MTSS1: variants seen among roughly 807,000 people sequenced by gnomAD.
The protein encoded by MTSS1 is MTSS I-BAR domain containing 1, also known as protein MTSS 1.
MTSS1 carries 18 observed loss-of-function variants against 79.0 expected under a neutral mutation model. The ratio of observed to expected loss-of-function variants is 0.23; its 90% CI spans 0.16 to 0.34. MTSS1 has a LOEUF of 0.34. Ranked by LOEUF, MTSS1 falls within the 10% of genes least tolerant of loss-of-function variation. MTSS1 has a pLI of 1.00. For missense variants in MTSS1, 815 were observed against 986.2 expected, an observed-to-expected ratio of 0.83 and a Z score of 2.33; for synonymous variants, 341 against 368.6, an observed-to-expected ratio of 0.93 and a Z score of 0.86.
At position 124,553,261 on chromosome 8, in the gene MTSS1, C is replaced by A. The variant is rs532688949; in HGVS notation, c.1999G>T (p.Gly667Cys). The A allele has an allele frequency of 1.9e-6, 3 of 1,614,154 alleles. No homozygotes were observed. The highest frequency in any genetic ancestry group is 8.5e-7 in the Non-Finnish European group (1 of 1,180,042). Residue 667 changes from glycine (G) to cysteine (C), a missense_variant, in exon 14 of 14, where the codon GGC becomes TGC. Physicochemically the swap from Gly to Cys is radical, Grantham distance 159. Around this residue, in one of 2 missense-constraint regions of MTSS1, gnomAD observed 590 missense variants for 620.8 expected, o/e 0.95. Coordinates refer to ENST00000518547, the MANE Select transcript of MTSS1 (RefSeq NM_014751.6). The surrounding 1 kb of genome is among the most constrained non-coding windows in gnomAD (Gnocchi z 6.0). ...AGTGGAGGGTTAACGGAAGCTTGGCCGCTCCACATTGAGGAGGGCATGCTG... is the reference window on the plus strand; with the variant it reads ...AGTGGAGGGTTAACGGAAGCTTGGCAGCTCCACATTGAGGAGGGCATGCTG... The part of the protein sequence containing the change: ...VTSMPSSMWS[G>C]QASVNPPLPG...
intron 1 of MTSS1, among the ~76,000 whole-genome samples, chr8:124,717,238 T>C (rs543554723): frequency 6.6e-6 from 1 of 151,980 alleles, no homozygotes; most frequent in African/African-American, 2.4e-5. Context: ...ATGCCTGTAA[T>C]CCCAGCACTT....
intron 13 of MTSS1, among the ~76,000 whole-genome samples, chr8:124,555,257 T>A (rs375488832): frequency 2.2e-4 from 33 of 152,260 alleles, no homozygotes; most frequent in East Asian, 5.8e-4. Flanking sequence ...TATTATTATT[T>A]TTTTTTGAGA....
At chr8:124,591,258 G>T (rs1470256156) in intron 3 of MTSS1, 23 bp from the exon 4 acceptor site, 1 of 1,600,900 alleles carries the variant, frequency 6.2e-7, no homozygotes, top group Admixed American at 1.7e-5. Flanking sequence ...CAGAGGCAAA[G>T]GTGAGGGATA....
chr8:124,719,647 C>A (rs1301457017), intron 1 of MTSS1, among the ~76,000 whole-genome samples: 2 of 152,218 alleles, frequency 1.3e-5, no homozygotes, highest in Non-Finnish European at 2.9e-5. Flanking sequence ...ACTGTGTCCT[C>A]TCAAATTACT....
intron 3 of MTSS1, among the ~76,000 whole-genome samples, chr8:124,614,974 A>G (rs1836570085): frequency 6.6e-6 from 1 of 152,258 alleles, no homozygotes; most frequent in African/African-American, 2.4e-5. Context: ...GAGGAGATCA[A>G]GAAGGGCTTG....
Position 124,699,544 on chromosome 8 carries a change from T to C in MTSS1, c.190A>G (p.Met64Val). The C allele has an allele frequency of 2.5e-6, 4 of 1,614,184 alleles. No individual in the cohort carries two copies. Among genetic ancestry groups the C allele is most frequent in the Non-Finnish European group, 3.4e-6 (4 of 1,180,016 alleles). ...TGCTTACCACGTGTGTTGGTGGCCA[T>C]GTCAGCCACTTTCTGAAAGGCGTCC... ...FLDAFQKVAD[M>V]ATNTRGGTRE... is the part of the protein sequence containing the mutation. Residue 64 changes from methionine (M) to valine (V), a missense_variant, in exon 3 of 14, where the codon ATG becomes GTG. This residue lies in a region of MTSS1 where 225 missense variants were observed against 365.4 expected (regional missense o/e 0.62). Coordinates refer to ENST00000518547, the MANE Select transcript of MTSS1 (RefSeq NM_014751.6).
chr8:124,660,304 G>C (rs1821760166), intron 3 of MTSS1, among the ~76,000 whole-genome samples: 1 of 151,988 alleles, frequency 6.6e-6, no homozygotes, highest in African/African-American at 2.4e-5. Flanking sequence ...CAGAAACAGG[G>C]GCCCTTCGAA....
At chr8:124,691,005 A>G (rs1827846674) in intron 3 of MTSS1, among the ~76,000 whole-genome samples, 1 of 152,234 alleles carries the variant, frequency 6.6e-6, no homozygotes, top group Non-Finnish European at 1.5e-5. Flanking sequence ...AGTTTCATAG[A>G]AAGCACACCC....
intron 3 of MTSS1, among the ~76,000 whole-genome samples, chr8:124,644,757 G>C (rs1359525350): frequency 6.6e-6 from 1 of 152,220 alleles, no homozygotes; most frequent in East Asian, 1.9e-4. Flanking sequence ...ACTATTGGCA[G>C]AATGTTATGA....
intron 3 of MTSS1, among the ~76,000 whole-genome samples, chr8:124,603,771 C>T (rs1029825209): frequency 2.6e-5 from 4 of 152,206 alleles, no homozygotes; most frequent in Non-Finnish European, 5.9e-5. Context: ...CCTGGTCACA[C>T]ATAAGTCACT....
intron 3 of MTSS1, among the ~76,000 whole-genome samples, chr8:124,693,795 G>C (rs73345838): frequency 0.068 from 10,324 of 152,102 alleles, 498 homozygotes; most frequent in African/African-American, 0.14. Context: ...TTTGTACTCA[G>C]AGCAAAAATT....
chr8:124,692,125 G>A (rs2135253055), intron 3 of MTSS1, among the ~76,000 whole-genome samples: 1 of 150,786 alleles, frequency 6.6e-6, no homozygotes, highest in South Asian at 2.1e-4. Flanking sequence ...CGCCTCCTGA[G>A]TTCAAGTGAT....
At chr8:124,663,091 C>T (rs1047180063) in intron 3 of MTSS1, among the ~76,000 whole-genome samples, 1 of 152,218 alleles carries the variant, frequency 6.6e-6, no homozygotes, top group Admixed American at 6.5e-5. Context: ...CAACAGCTGC[C>T]TGGCTGGGTT....
At chr8:124,604,173 A>G (rs1192964060) in intron 3 of MTSS1, among the ~76,000 whole-genome samples, 1 of 152,142 alleles carries the variant, frequency 6.6e-6, no homozygotes, top group Non-Finnish European at 1.5e-5. Flanking sequence ...AAATCAAGCC[A>G]TTGCACTCCA....
intron 5 of MTSS1, among the ~76,000 whole-genome samples, chr8:124,587,528 T>G (rs534320512): frequency 1.3e-5 from 2 of 152,340 alleles, no homozygotes; most frequent in African/African-American, 4.8e-5. Flanking sequence ...AGATGGAGTC[T>G]TGCTGTGTTG....
intron 13 of MTSS1, 71 bp downstream of exon 13, chr8:124,555,671 C>G: frequency 6.9e-7 from 1 of 1,457,790 alleles, no homozygotes; most frequent in African/African-American, 1.4e-5. Flanking sequence ...TTAAAATGGA[C>G]CAGCAGTTTT....
intron 10 of MTSS1, chr8:124,558,830 G>A: frequency 6.4e-7 from 1 of 1,558,198 alleles, no homozygotes; most frequent in East Asian, 2.4e-5. Context: ...AGCTGGACGA[G>A]TTCTGCAGCA....
At chr8:124,662,883 T>C (rs797009521) in intron 3 of MTSS1, among the ~76,000 whole-genome samples, 5 of 152,196 alleles carry the variant, frequency 3.3e-5, no homozygotes, top group African/African-American at 1.2e-4. Flanking sequence ...ACCCTTGCAG[T>C]CAGATAAAGC....
intron 3 of MTSS1, among the ~76,000 whole-genome samples, chr8:124,604,195 AG>A (rs1834406437): frequency 6.6e-6 from 1 of 152,314 alleles, no homozygotes; most frequent in East Asian, 1.9e-4. Flanking sequence ...TCTGGGCAAC[AG>A]AGTGAGACTC....
Sources: gnomAD v4.1 joint callset for allele counts (sites outside exome capture counted in the v4.1 genomes callset) on GRCh38, gnomAD v4.1.1 for gene constraint, gnomAD v4.1.1 regional missense constraint, Gnocchi (gnomAD v3.1) non-coding constraint, MANE v1.5 for transcripts, NCBI Gene and HGNC (gene_info 2026-07-23, HGNC 2026-07-21) for gene names.